Variants in SCD5 observed in about 807,000 individuals in gnomAD.
The protein encoded by SCD5 is stearoyl-CoA desaturase 5, also known as acyl-CoA-desaturase 4.
A neutral mutation model predicts 30.4 loss-of-function variants in SCD5; 20 were observed. That is an observed-to-expected ratio of 0.66 (90% CI 0.46 to 0.96). The LOEUF is 0.96. SCD5 is among the 40% of genes least tolerant of loss of function. SCD5 has a pLI of 0.00. For missense variants in SCD5, 381 were observed against 443.3 expected, an observed-to-expected ratio of 0.86 and a Z score of 1.26; for synonymous variants, 173 against 176.4, an observed-to-expected ratio of 0.98 and a Z score of 0.16.
At chr4:82,679,282 AGGAAGG>A (rs1476701016) in intron 3 of SCD5, among the ~76,000 whole-genome samples, 1 of 112,636 alleles carries the variant, frequency 8.9e-6, no homozygotes, top group Non-Finnish European at 1.9e-5. Context: ...GAAAGAAAGA[AGGAAGG>A]AAAGAAAGAA....
At position 82,798,718 on chromosome 4, in the gene SCD5, A is replaced by G. The variant is rs1426944904; in HGVS notation, c.-181T>C. The G allele has an allele frequency of 6.8e-6, 4 of 584,354 alleles. No homozygotes were observed. Among genetic ancestry groups the G allele is most frequent in the African/African-American group, 2.0e-5 (1 of 50,688 alleles). 36.2% of individuals were successfully genotyped at this position (584,354 alleles called of 1,614,324 possible). A position where few individuals can be genotyped will look rare whatever the true frequency, so the allele number is the denominator to read the frequency against. The stretch of plus-strand genomic sequence containing the variant: ...CTTCCCCAGGGTCTTAGCGTGGCCT[A>G]GGGATGCAGATCTTGGCGGCCGGCG... On this transcript the variant is annotated 5_prime_UTR_variant, in exon 1 of 5. The change abolishes the stop of an existing upstream ORF in the 5' untranslated region. Coordinates refer to ENST00000319540, the MANE Select transcript of SCD5 (RefSeq NM_001037582.3).
chr4:82,684,489 C>T (rs960086323), intron 2 of SCD5, among the ~76,000 whole-genome samples: 1 of 152,160 alleles, frequency 6.6e-6, no homozygotes, highest in Non-Finnish European at 1.5e-5. Flanking sequence ...CCCTACTTAC[C>T]TGCACTTTTG....
intron 1 of SCD5, among the ~76,000 whole-genome samples, chr4:82,796,748 G>C (rs1722229571): frequency 6.6e-6 from 1 of 152,226 alleles, no homozygotes; most frequent in Non-Finnish European, 1.5e-5. Context: ...GGAAGCAGGG[G>C]GGAGAGAGGA....
intron 1 of SCD5, among the ~76,000 whole-genome samples, chr4:82,719,875 C>G (rs1720328405): frequency 6.6e-6 from 1 of 151,560 alleles, no homozygotes; most frequent in South Asian, 2.1e-4. Flanking sequence ...AATCTCAGTT[C>G]ACTGCAACTT....
intron 1 of SCD5, among the ~76,000 whole-genome samples, chr4:82,755,086 C>T (rs1721204982): frequency 7.3e-6 from 1 of 137,368 alleles, no homozygotes; most frequent in Admixed American, 8.4e-5. Flanking sequence ...AGTCTATAGC[C>T]AGACCAAACT....
Position 82,776,214 on chromosome 4 carries a change from T to C in SCD5, c.232+22092A>G, listed in dbSNP as rs532583434. The C allele has an allele frequency of 5.3e-5, 8 of 152,268 alleles. No individual in the cohort carries two copies. In the East Asian group the frequency reaches 7.7e-4, roughly 15 times the overall value. 9.4% of individuals were successfully genotyped at this position (152,268 alleles called of 1,614,324 possible). ...ATCTGTGCCAGATACGGTGGGGAGT[T>C]TGTGTGTCTGTTAGACCAAGTGCTC... On this transcript the variant is annotated intron_variant, in intron 1 of 4. Transcript: ENST00000319540.
At chr4:82,778,920 GC>G (rs1721810365) in intron 1 of SCD5, among the ~76,000 whole-genome samples, 2 of 150,772 alleles carry the variant, frequency 1.3e-5, no homozygotes, top group East Asian at 3.9e-4. Context: ...AGGCTAGAGT[GC>G]AGCCGTACAA....
chr4:82,788,160 A>G (rs1722023989), intron 1 of SCD5, among the ~76,000 whole-genome samples: 1 of 152,220 alleles, frequency 6.6e-6, no homozygotes. Flanking sequence ...GGTCCTTACC[A>G]GACGCCAATC....
chr4:82,738,937 A>C (rs1283583111), intron 1 of SCD5, among the ~76,000 whole-genome samples: 1 of 152,234 alleles, frequency 6.6e-6, no homozygotes, highest in East Asian at 1.9e-4. Context: ...CCAGCTAGTA[A>C]TAACAGAGGT....
intron 1 of SCD5, among the ~76,000 whole-genome samples, chr4:82,714,341 T>C (rs995585637): frequency 6.6e-6 from 1 of 152,164 alleles, no homozygotes; most frequent in African/African-American, 2.4e-5. Context: ...TCTCCCCTCA[T>C]AGCTGCCCCC....
intron 3 of SCD5, among the ~76,000 whole-genome samples, chr4:82,659,525 A>G (rs1383870927): frequency 6.6e-6 from 1 of 152,106 alleles, no homozygotes; most frequent in Non-Finnish European, 1.5e-5. Context: ...CTTCTGGTAC[A>G]TTGTGTCTTT....
chr4:82,685,710 T>G (rs1443295568), intron 2 of SCD5, among the ~76,000 whole-genome samples: 1 of 145,818 alleles, frequency 6.9e-6, no homozygotes, highest in African/African-American at 2.5e-5. Context: ...AGACTCTGTC[T>G]CAAAAAACAA....
chr4:82,795,809 C>CAAAAAAAAAAAA (rs72115040), intron 1 of SCD5, among the ~76,000 whole-genome samples: 2 of 43,908 alleles, frequency 4.6e-5, no homozygotes, highest in African/African-American at 8.8e-5. Context: ...CCCTGTCTCA[C>CAAAAAAAAAAAA]AAAAAAAAAA....
intron 1 of SCD5, among the ~76,000 whole-genome samples, chr4:82,748,974 C>T (rs1721047021): frequency 6.6e-6 from 1 of 152,124 alleles, no homozygotes; most frequent in Admixed American, 6.5e-5. Context: ...AAAAGATAGC[C>T]TCCGCCTCCC....
At chr4:82,760,466 G>A (rs948805240) in intron 1 of SCD5, among the ~76,000 whole-genome samples, 9 of 151,966 alleles carry the variant, frequency 5.9e-5, no homozygotes, top group Admixed American at 6.6e-5. Context: ...GCACAATCTC[G>A]GCTACTGCAA....
intron 2 of SCD5, among the ~76,000 whole-genome samples, chr4:82,681,859 C>T (rs1728584226): frequency 6.6e-6 from 1 of 152,128 alleles, no homozygotes. Context: ...AGGAATGGTG[C>T]CGGTTCTTGG....
At chr4:82,740,284 T>C (rs539301540) in intron 1 of SCD5, among the ~76,000 whole-genome samples, 6 of 152,272 alleles carry the variant, frequency 3.9e-5, no homozygotes, top group African/African-American at 1.4e-4. Flanking sequence ...AAGGCGAGGT[T>C]GTTTTGCCAG....
chr4:82,657,795 T>C (rs919689190), intron 3 of SCD5, among the ~76,000 whole-genome samples: 2 of 152,226 alleles, frequency 1.3e-5, no homozygotes, highest in Non-Finnish European at 2.9e-5. Context: ...TTTGTAGTTC[T>C]CCTTGAAGAG....
intron 1 of SCD5, among the ~76,000 whole-genome samples, chr4:82,739,632 G>A (rs1043061039): frequency 2.6e-5 from 4 of 152,226 alleles, no homozygotes; most frequent in African/African-American, 9.6e-5. Flanking sequence ...CTATTGCCAT[G>A]TGTGTGCTGA....
Sources: allele counts gnomAD v4.1 joint callset (sites outside exome capture counted in the v4.1 genomes callset), GRCh38; gene constraint gnomAD v4.1.1; transcripts MANE v1.5; gene names NCBI Gene and HGNC (gene_info 2026-07-23, HGNC 2026-07-21).